Variants in KCNK18 observed in about 807,000 individuals in gnomAD.
KCNK18 encodes the protein potassium two pore domain channel subfamily K member 18.
Under a neutral mutation model 11.8 loss-of-function variants are expected in KCNK18, and 8 were observed. That is an observed-to-expected ratio of 0.68 (90% CI 0.40 to 1.22). KCNK18 has a LOEUF of 1.22. KCNK18 is among the 50% of genes most tolerant of loss of function. The pLI, the probability that KCNK18 is intolerant of heterozygous loss-of-function variation, is 0.01. For missense variants in KCNK18, 442 were observed against 465.4 expected (o/e 0.95, Z 0.46); for synonymous variants, 208 against 185.8 (o/e 1.12, Z -0.97).
At position 117,197,510 on chromosome 10, in the gene KCNK18, C is replaced by G. The variant is rs769065992; in HGVS notation, c.22C>G (p.Gln8Glu). The part of the protein sequence containing the change: MEVSGHP[Q>E]ARRCCPEALG... ...GACGATGGAGGTCTCGGGGCACCCC[C>G]AGGCCAGGAGATGCTGCCCAGAGGC... The change falls in exon 1 of 3, where the codon CAG (glutamine) becomes GAG (glutamate). Residue 8 changes from glutamine (Q) to glutamate (E), a missense_variant. Transcript: ENST00000334549. The G allele has an allele frequency of 3.1e-6, 5 of 1,613,396 alleles. No individual in the cohort carries two copies. The African/African-American group carries it at 5.3e-5, about 17-fold the overall frequency.
Position 117,209,671 on chromosome 10 carries a change from T to C in KCNK18, c.527T>C (p.Leu176Pro). 6.4e-7 allele frequency: 1 copy of C among 1,562,576 alleles called. No homozygotes were observed. Among genetic ancestry groups the C allele is most frequent in the Non-Finnish European group, 8.8e-7 (1 of 1,134,218 alleles). The change falls in exon 3 of 3, where the codon CTC becomes CCC. Residue 176 changes from leucine (L) to proline (P), a missense_variant. Transcript: ENST00000334549. ...FRKFPFFTRP[L>P]LSKWCPKSLF... ...AAATTCCCTTTCTTTACCCGCCCCC[T>C]CCTCTCCAAGTGGTGCCCCAAATCT...
At chr10:117,201,627 T>A (rs183422097) in intron 2 of KCNK18, among the ~76,000 whole-genome samples, 60 of 152,368 alleles carry the variant, frequency 3.9e-4, no homozygotes, top group Non-Finnish European at 6.5e-4. Context: ...CACTTGGGTC[T>A]AGACCCAGCA....
At chr10:117,200,929 C>T (rs888395099) in intron 1 of KCNK18, among the ~76,000 whole-genome samples, 3 of 152,178 alleles carry the variant, frequency 2.0e-5, no homozygotes, top group Non-Finnish European at 4.4e-5. Flanking sequence ...CTGTTAGGTG[C>T]TCTTCTCACA....
chr10:117,202,446 C>T (rs1345540199), intron 2 of KCNK18, among the ~76,000 whole-genome samples: 1 of 152,250 alleles, frequency 6.6e-6, no homozygotes, highest in Non-Finnish European at 1.5e-5. Context: ...CAGCTCTAGG[C>T]TGATATGCAG....
At position 117,203,663 on chromosome 10, in the gene KCNK18, C is replaced by A. The variant is rs980042894; in HGVS notation, c.352+2376C>A. ...CAAGCAATTTTCCTGTCTCGGTCTC[C>A]CGAGTAGCTGAGATTACAGGCACAT... On this transcript the variant is annotated intron_variant, in intron 2 of 2. Transcript: ENST00000334549. Among the ~76,000 whole-genome samples, 9 of 152,198 alleles carry A rather than the reference C, an allele frequency of 5.9e-5. No homozygotes were observed. The East Asian group carries it at 1.2e-3, about 20-fold the overall frequency.
intron 2 of KCNK18, among the ~76,000 whole-genome samples, chr10:117,208,616 G>T (rs1450856008): frequency 9.9e-5 from 15 of 152,162 alleles, no homozygotes; most frequent in Admixed American, 9.8e-4. Flanking sequence ...GAGGGCAATT[G>T]TATTTTATTC....
intron 2 of KCNK18, among the ~76,000 whole-genome samples, chr10:117,204,282 A>AG (rs1314852196): frequency 2.6e-5 from 4 of 151,004 alleles, no homozygotes; most frequent in Non-Finnish European, 4.4e-5. Context: ...AAAAAAAAAA[A>AG]AAAAGAAAAA....
At chr10:117,205,157 G>T (rs79018241) in intron 2 of KCNK18, among the ~76,000 whole-genome samples, 3 of 152,128 alleles carry the variant, frequency 2.0e-5, no homozygotes, top group Non-Finnish European at 4.4e-5. Context: ...CTGTGAGGCC[G>T]GTCAATCCCG....
At chr10:117,206,859 A>G (rs1406120778) in intron 2 of KCNK18, among the ~76,000 whole-genome samples, 1 of 152,144 alleles carries the variant, frequency 6.6e-6, no homozygotes, top group Non-Finnish European at 1.5e-5. Flanking sequence ...GCAGTACACA[A>G]GTTGCCCCAC....
At chr10:117,198,459 C>T (rs1445255340) in intron 1 of KCNK18, among the ~76,000 whole-genome samples, 1 of 152,188 alleles carries the variant, frequency 6.6e-6, no homozygotes, top group East Asian at 1.9e-4. Context: ...AGACAAGGAA[C>T]ATTCTGGCTC....
At position 117,197,644 on chromosome 10, in the gene KCNK18, A is replaced by T. The variant is rs1489918260; in HGVS notation, c.156A>T (p.Ala52=). ...TTGAGGACGGCCAGGTCCTGGTGGCAGCAGATGATGGAGAGTTTGAGAAGT... is the reference window on the plus strand; with the variant it reads ...TTGAGGACGGCCAGGTCCTGGTGGCTGCAGATGATGGAGAGTTTGAGAAGT... ...SAIEDGQVLV[A]ADDGEFEKFL... is the part of the protein sequence containing the mutation. The change falls in exon 1 of 3, where the codon GCA becomes GCT. Residue 52 remains alanine (A), a synonymous_variant. Transcript: ENST00000334549. 1 of 1,614,200 alleles carries T rather than the reference A, an allele frequency of 6.2e-7. No individual in the cohort carries two copies. Among genetic ancestry groups the T allele is most frequent in the South Asian group, 1.1e-5 (1 of 91,082 alleles).
rs764017425 is a variant in KCNK18, at chr10:117,209,625, A to C, written c.481A>C (p.Thr161Pro). ...CGACATCCTGGCAACCATCTTATCT[A>C]CATCTTATAATCGGTTCCGAAAATT... is the stretch of plus-strand genomic sequence containing the variant. The part of the protein sequence containing the change: ...TGDILATILS[T>P]SYNRFRKFPF... Residue 161 changes from threonine (T) to proline (P), a missense_variant, in exon 3 of 3, where the codon ACA becomes CCA. Thr to Pro is a conservative substitution (Grantham distance 38, BLOSUM62 -1). Coordinates refer to ENST00000334549, the MANE Select transcript of KCNK18 (RefSeq NM_181840.1). 2 of 1,614,024 alleles carry C rather than the reference A, an allele frequency of 1.2e-6. No individual in the cohort carries two copies. Among genetic ancestry groups the C allele is most frequent in the Admixed American group, 3.3e-5 (2 of 59,998 alleles).
At chr10:117,198,310 G>A (rs1854974048) in intron 1 of KCNK18, among the ~76,000 whole-genome samples, 1 of 152,124 alleles carries the variant, frequency 6.6e-6, no homozygotes, top group South Asian at 2.1e-4. Context: ...GGTCCTGGCT[G>A]TTGTCCTGGC....
Position 117,197,522 on chromosome 10 carries a change from T to C in KCNK18, c.34T>C (p.Cys12Arg). 1 of 1,613,854 alleles carries C rather than the reference T, an allele frequency of 6.2e-7. No individual in the cohort carries two copies. The highest frequency in any genetic ancestry group is 8.5e-7 in the Non-Finnish European group (1 of 1,179,992). ...CTCGGGGCACCCCCAGGCCAGGAGA[T>C]GCTGCCCAGAGGCCCTGGGAAAGCT... ...EVSGHPQARR[C>R]CPEALGKLFP... is the part of the protein sequence containing the mutation. Residue 12 changes from cysteine (C) to arginine (R), a missense_variant, in exon 1 of 3, where the codon TGC becomes CGC. Physicochemically the swap from Cys to Arg is radical, Grantham distance 180 (BLOSUM62 -3). Transcript: ENST00000334549.
chr10:117,204,127 T>C (rs532541977), intron 2 of KCNK18, among the ~76,000 whole-genome samples: 1 of 151,984 alleles, frequency 6.6e-6, no homozygotes, highest in South Asian at 2.1e-4. Flanking sequence ...CTGGGCGTGG[T>C]GACGTGCACC....
chr10:117,205,781 G>A (rs558561254), intron 2 of KCNK18, among the ~76,000 whole-genome samples: 38 of 152,200 alleles, frequency 2.5e-4, no homozygotes, highest in Admixed American at 9.2e-4. Flanking sequence ...CAGAAGTGGT[G>A]GCTCACTCCT....
intron 2 of KCNK18, among the ~76,000 whole-genome samples, chr10:117,208,693 G>C (rs1056890996): frequency 4.6e-5 from 7 of 151,590 alleles, no homozygotes; most frequent in Non-Finnish European, 7.4e-5. Context: ...AACACAATAA[G>C]TGCCTCTTAG....
intron 1 of KCNK18, among the ~76,000 whole-genome samples, chr10:117,200,863 CAA>C (rs1320929582): frequency 6.6e-6 from 1 of 151,186 alleles, no homozygotes; most frequent in Admixed American, 6.6e-5. Flanking sequence ...AATTAAAAGG[CAA>C]AGACTACACA....
chr10:117,203,443 G>A (rs1855038597), intron 2 of KCNK18, among the ~76,000 whole-genome samples: 1 of 152,174 alleles, frequency 6.6e-6, no homozygotes, highest in African/African-American at 2.4e-5. Context: ...ACAGCTCAGG[G>A]GATGCTTTGA....
Sources: gnomAD v4.1 joint callset for allele counts (sites outside exome capture counted in the v4.1 genomes callset) on GRCh38, gnomAD v4.1.1 for gene constraint, MANE v1.5 for transcripts, NCBI Gene and HGNC (gene_info 2026-07-23, HGNC 2026-07-21) for gene names.